The following DAGLB variants were observed in gnomAD, a reference collection of about 807,000 sequenced individuals.
The protein encoded by DAGLB is diacylglycerol lipase-beta.
A neutral mutation model predicts 72.1 loss-of-function variants in DAGLB; 66 were observed. The observed-to-expected ratio is 0.92, with a 90% CI of 0.75 to 1.12. DAGLB has a LOEUF of 1.12. DAGLB is among the 50% of genes most tolerant of loss of function. DAGLB has a pLI of 0.00. For missense variants in DAGLB, 1,065 were observed against 884.9 expected (o/e 1.20, Z -2.58); for synonymous variants, 414 against 359.5 (o/e 1.15, Z -1.71).
At chr7:6,436,298 A>G (rs1784654923) in intron 3 of DAGLB, 64 bp downstream of exon 3, 1 of 1,544,660 alleles carries the variant, frequency 6.5e-7, no homozygotes, top group Non-Finnish European at 8.7e-7. Flanking sequence ...CTGTCATGTT[A>G]GAAGGGTTTG....
rs1783765650 is a variant in DAGLB, at chr7:6,412,626, G to A, written c.1569+185C>T. ...CCCTGTGACATTTCCCGCACTTGCT[G>A]CAGCCATTTGCTTTCTTAGACATCA... On this transcript the variant is annotated intron_variant, in intron 13 of 14. Coordinates refer to ENST00000297056, the MANE Select transcript of DAGLB (RefSeq NM_139179.4). The A allele has an allele frequency of 9.0e-6, 6 of 669,128 alleles. No individual in the cohort carries two copies. The South Asian group carries it at 9.3e-5, about 10-fold the overall frequency. 41.4% of individuals were successfully genotyped at this position (669,128 alleles called of 1,614,324 possible). A position where few individuals can be genotyped will look rare whatever the true frequency, so the allele number is the denominator to read the frequency against.
intron 2 of DAGLB, among the ~76,000 whole-genome samples, chr7:6,438,490 T>A (rs1456945733): frequency 6.6e-6 from 1 of 150,972 alleles, no homozygotes; most frequent in Non-Finnish European, 1.5e-5. Flanking sequence ...TGCAGGTATG[T>A]GGAAAAAAAA....
At chr7:6,420,268 C>T (rs1255513832) in intron 9 of DAGLB, among the ~76,000 whole-genome samples, 2 of 151,804 alleles carry the variant, frequency 1.3e-5, no homozygotes, top group East Asian at 1.9e-4. Context: ...GGTGAAACCC[C>T]GTCTCTACTA....
At chr7:6,412,303 G>A (rs921935980) in intron 13 of DAGLB, among the ~76,000 whole-genome samples, 2 of 152,158 alleles carry the variant, frequency 1.3e-5, no homozygotes, top group African/African-American at 2.4e-5. Context: ...CCACAGTGTA[G>A]ATAAATGTGC....
chr7:6,413,292 G>C (rs1423278252), intron 11 of DAGLB, among the ~76,000 whole-genome samples: 2 of 152,182 alleles, frequency 1.3e-5, no homozygotes, highest in Non-Finnish European at 2.9e-5. Context: ...CAAGCACATG[G>C]ATCTGTCCTT....
At chr7:6,432,772 T>C in intron 5 of DAGLB, 65 bp downstream of exon 5, 2 of 1,555,424 alleles carry the variant, frequency 1.3e-6, no homozygotes, top group South Asian at 2.4e-5. Context: ...GTTAGCTGTA[T>C]GATTCTGAAG....
chr7:6,420,353 T>C (rs370183737), intron 9 of DAGLB, among the ~76,000 whole-genome samples: 135 of 151,872 alleles, frequency 8.9e-4, no homozygotes, highest in African/African-American at 3.0e-3. Flanking sequence ...GACAGGAGAA[T>C]TGCTTGAACC....
chr7:6,430,805 C>G (rs1156393209), intron 5 of DAGLB, among the ~76,000 whole-genome samples, 198 bp from the exon 6 acceptor site: 2 of 149,532 alleles, frequency 1.3e-5, no homozygotes, highest in African/African-American at 4.9e-5. Context: ...TTTTTAGAGT[C>G]TCGCTCTGTC....
At chr7:6,429,634 G>A (rs530254564) in intron 6 of DAGLB, among the ~76,000 whole-genome samples, 103 of 152,114 alleles carry the variant, frequency 6.8e-4, no homozygotes, top group African/African-American at 2.2e-3. Context: ...CGGGCCTGGT[G>A]GCTGACGCCT....
intron 11 of DAGLB, among the ~76,000 whole-genome samples, chr7:6,415,898 G>GC: frequency 6.6e-6 from 1 of 151,796 alleles, no homozygotes; most frequent in South Asian, 2.1e-4. Flanking sequence ...TTAAACATGT[G>GC]CATTATGCAT....
At chr7:6,423,424 C>T (rs761481412) in intron 8 of DAGLB, among the ~76,000 whole-genome samples, 1 of 147,716 alleles carries the variant, frequency 6.8e-6, no homozygotes, top group South Asian at 2.1e-4. Context: ...AAACCACAGA[C>T]GACGCCACTG....
chr7:6,432,723 G>GGGGGA (rs1562486027), intron 5 of DAGLB, 114 bp downstream of exon 5: 1 of 1,279,560 alleles, frequency 7.8e-7, no homozygotes, highest in Non-Finnish European at 1.0e-6. Flanking sequence ...GGAGGGAGGG[G>GGGGGA]AAAGGGGAAT....
intron 5 of DAGLB, 49 bp from the exon 6 acceptor site, chr7:6,430,656 CAG>C (rs1029380919): frequency 1.1e-4 from 168 of 1,479,606 alleles, no homozygotes; most frequent in Non-Finnish European, 1.4e-4. Context: ...ACTCCTGACA[CAG>C]AGGATCAACA....
At chr7:6,435,928 C>G (rs957248854) in intron 3 of DAGLB, among the ~76,000 whole-genome samples, 2 of 152,096 alleles carry the variant, frequency 1.3e-5, no homozygotes, top group African/African-American at 2.4e-5. Context: ...CTAGAAAACA[C>G]GAAAACCTTA....
At chr7:6,441,464 C>A (rs1583302616) in intron 2 of DAGLB, among the ~76,000 whole-genome samples, 1 of 147,450 alleles carries the variant, frequency 6.8e-6, no homozygotes, top group East Asian at 2.0e-4. Context: ...GTCGTCCAGG[C>A]TGGAGTGCAA....
chr7:6,426,743 G>T (rs561470756), intron 6 of DAGLB, among the ~76,000 whole-genome samples: 7 of 152,182 alleles, frequency 4.6e-5, no homozygotes, highest in South Asian at 2.1e-4. Flanking sequence ...CAAATGAACA[G>T]CACAGCCAAC....
chr7:6,445,975 G>A lies in DAGLB; in HGVS notation c.225C>T (p.Ala75=). The A allele has an allele frequency of 6.2e-7, 1 of 1,607,544 alleles. No individual in the cohort carries two copies. Among genetic ancestry groups the A allele is most frequent in the Middle Eastern group, 1.7e-4 (1 of 6,028 alleles). ...LLAVVICTVS[A]IMCVSMRGTI... ...TACCTCTCATGCTGACACACATGAT[G>A]GCTGACACAGTACATATGACAACTG... Residue 75 remains alanine (A), a synonymous_variant, in exon 2 of 15, where the codon GCC becomes GCT. Coordinates refer to ENST00000297056, the MANE Select transcript of DAGLB (RefSeq NM_139179.4).
intron 13 of DAGLB, among the ~76,000 whole-genome samples, chr7:6,411,131 C>T (rs1293408763): frequency 1.3e-5 from 2 of 151,868 alleles, no homozygotes; most frequent in African/African-American, 2.4e-5. Flanking sequence ...CTTGGCCTCC[C>T]AAAGTGCTGG....
chr7:6,409,772 G>GGTAA lies in DAGLB; in HGVS notation c.*61_*64dup. On this transcript the variant is annotated 3_prime_UTR_variant, in exon 15 of 15. Coordinates refer to ENST00000297056, the MANE Select transcript of DAGLB (RefSeq NM_139179.4). ...TTGGCGTCATGGGAACTCCTCGGAT[G>GGTAA]GTAAGTCAGTTTAAGGACAAAAGCG... 1 of 1,549,884 alleles carries GGTAA rather than the reference G, an allele frequency of 6.5e-7. No individual in the cohort carries two copies. The highest frequency in any genetic ancestry group is 1.2e-5 in the South Asian group (1 of 84,334).
Sources: gnomAD v4.1 joint callset for allele counts (sites outside exome capture counted in the v4.1 genomes callset) on GRCh38, gnomAD v4.1.1 for gene constraint, MANE v1.5 for transcripts, NCBI Gene and HGNC (gene_info 2026-07-23, HGNC 2026-07-21) for gene names.